Variants in KIF5C observed in about 807,000 individuals in gnomAD.
KIF5C encodes the protein kinesin family member 5C, also known as kinesin heavy chain isoform 5C.
A neutral mutation model predicts 125.2 loss-of-function variants in KIF5C; 18 were observed. The ratio of observed to expected loss-of-function variants is 0.14; its 90% confidence interval spans 0.10 to 0.21. KIF5C has a LOEUF of 0.21. Ranked by LOEUF, KIF5C falls within the 10% of genes least tolerant of loss-of-function variation. The pLI is 1.00. For missense variants in KIF5C, 780 were observed against 1,183.8 expected (o/e 0.66, Z 5.01); for synonymous variants, 405 against 434.0 (o/e 0.93, Z 0.83).
rs1156922836 is a variant in KIF5C at position 148,911,624 on chromosome 2, A to G, written c.127-10513A>G. The stretch of plus-strand genomic sequence containing the variant: ...TAGAGCTGGGGCAGTAGTTTGAGGG[A>G]GGACAAAGAAAAAACTTAAGAGAAT... On this transcript the variant is annotated intron_variant, in intron 1 of 25. Coordinates refer to ENST00000435030, the MANE Select transcript of KIF5C (RefSeq NM_004522.3). Among the ~76,000 whole-genome samples, 5 of 152,134 alleles carry G rather than the reference A, an allele frequency of 3.3e-5. 1 individual carries two copies. Among genetic ancestry groups the G allele is most frequent in the Non-Finnish European group, 7.4e-5 (5 of 68,020 alleles).
At chr2:148,995,896 C>T (rs1681656324) in intron 17 of KIF5C, among the ~76,000 whole-genome samples, 1 of 152,216 alleles carries the variant, frequency 6.6e-6, no homozygotes, top group African/African-American at 2.4e-5. Context: ...GTGGCTCACG[C>T]CTGTAATCCC....
At position 148,998,381 on chromosome 2, in the gene KIF5C, C is replaced by T. The variant is rs1681739492; in HGVS notation, c.2101-19C>T. The T allele has an allele frequency of 1.3e-6, 2 of 1,554,550 alleles. No individual in the cohort carries two copies. The highest frequency in any genetic ancestry group is 2.7e-5 in the African/African-American group (2 of 73,400). On this transcript the variant is annotated intron_variant, in intron 18 of 25. Coordinates refer to ENST00000435030, the MANE Select transcript of KIF5C (RefSeq NM_004522.3). ...GTGCCAACGAGTAGATGACATGTTT[C>T]TCTTGGCCTGGGATGCAGAAGGCGC...
Position 148,876,665 on chromosome 2 carries a change from A to T in KIF5C, c.126+922A>T, listed in dbSNP as rs947432874. Among the ~76,000 whole-genome samples, 3 of 151,262 alleles carry T rather than the reference A, an allele frequency of 2.0e-5. No homozygotes were observed. The highest frequency in any genetic ancestry group is 7.3e-5 in the African/African-American group (3 of 41,094). On this transcript the variant is annotated intron_variant, in intron 1 of 25. Transcript: ENST00000435030. The surrounding 1 kb of genome is among the most constrained non-coding windows in gnomAD (Gnocchi z 4.7). ...CCTCTCTGCAGCTGGGGCTGCTGGT[A>T]GGGGGAGGGAACACCAATGGATTGT...
At chr2:148,964,752 C>G (rs1683010104) in intron 11 of KIF5C, among the ~76,000 whole-genome samples, 1 of 152,122 alleles carries the variant, frequency 6.6e-6, no homozygotes, top group Non-Finnish European at 1.5e-5. Context: ...CATAGGCCAG[C>G]AGGGAGCACT....
At position 148,924,940 on chromosome 2, in the gene KIF5C, T is replaced by TA. The variant is rs1458140457; in HGVS notation, c.217+2714dup. On this transcript the variant is annotated intron_variant, in intron 2 of 25. Coordinates refer to ENST00000435030, the MANE Select transcript of KIF5C (RefSeq NM_004522.3). The surrounding 1 kb of genome is among the most constrained non-coding windows in gnomAD (Gnocchi z 4.0). ...AGTGCTGGGACTGGAGTCGCCATGC[T>TA]ATGTAAGACTGTCTGCAAGGAGCTT... is the stretch of plus-strand genomic sequence containing the variant. 6.6e-6 allele frequency among the ~76,000 whole-genome samples: 1 copy of TA among 152,198 alleles called. No homozygotes were observed. Among genetic ancestry groups the TA allele is most frequent in the Non-Finnish European group, 1.5e-5 (1 of 68,036 alleles).
Position 148,942,747 on chromosome 2 carries a change from C to T in KIF5C, c.576C>T (p.His192=), listed in dbSNP as rs376592911. 6.6e-5 allele frequency: 106 copies of T among 1,609,746 alleles called. No individual in the cohort carries two copies. The African/African-American group carries it at 9.9e-4, about 15-fold the overall frequency. ...TAGATGAAGGCAAAGCAAACCGACA[C>T]GTGGCTGTGACAAGTAAGCATGGTG... ...DVIDEGKANR[H]VAVTNMNEHS... is the part of the protein sequence containing the mutation. The change falls in exon 7 of 26, where the codon CAC becomes CAT. Residue 192 remains histidine (H), a synonymous_variant. Coordinates refer to ENST00000435030, the MANE Select transcript of KIF5C (RefSeq NM_004522.3).
At chr2:148,979,632 C>T (rs756848439) in intron 13 of KIF5C, among the ~76,000 whole-genome samples, 2 of 152,112 alleles carry the variant, frequency 1.3e-5, no homozygotes, top group Non-Finnish European at 2.9e-5. Context: ...TTGTTTGAGT[C>T]CTACTTCAGT....
intron 1 of KIF5C, among the ~76,000 whole-genome samples, chr2:148,912,202 G>A (rs1448016875): frequency 1.3e-5 from 2 of 152,144 alleles, no homozygotes; most frequent in African/African-American, 4.8e-5. Flanking sequence ...GCAGGGGCAG[G>A]GGCTGGCAGA....
chr2:148,981,492 G>C lies in KIF5C; in HGVS notation c.1500G>C (p.Gln500His). 6.2e-7 allele frequency: 1 copy of C among 1,607,496 alleles called. No individual in the cohort carries two copies. The highest frequency in any genetic ancestry group is 8.5e-7 in the Non-Finnish European group (1 of 1,176,958). ...AGGAGCTGGCTGTCAATTATGACCA[G>C]AAATCACAGGAAGTGGAGGATAAGA... ...ALEELAVNYD[Q>H]KSQEVEDKTR... The change falls in exon 14 of 26, where the codon CAG becomes CAC. Residue 500 changes from glutamine (Q) to histidine (H), a missense_variant. This residue lies in a region of KIF5C where 573 missense variants were observed against 742.6 expected (regional missense o/e 0.77). Coordinates refer to ENST00000435030, the MANE Select transcript of KIF5C (RefSeq NM_004522.3).
At position 148,875,431 on chromosome 2, in the gene KIF5C, C is replaced by A; in HGVS notation, c.-187C>A. The stretch of plus-strand genomic sequence containing the variant: ...GGGGCCGGAGCGGAGAAGCTGCCCA[C>A]CTTCCCGGGCTCGGAGCGGCCGGGG... On this transcript the variant is annotated 5_prime_UTR_variant, in exon 1 of 26. Coordinates refer to ENST00000435030, the MANE Select transcript of KIF5C (RefSeq NM_004522.3). The A allele has an allele frequency of 1.8e-6, 1 of 555,534 alleles. No individual in the cohort carries two copies. Among genetic ancestry groups the A allele is most frequent in the South Asian group, 2.2e-5 (1 of 45,552 alleles). 34.4% of individuals were successfully genotyped at this position (555,534 alleles called of 1,614,324 possible).
At chr2:148,984,685 A>G (rs1209906468) in intron 15 of KIF5C, among the ~76,000 whole-genome samples, 1 of 152,158 alleles carries the variant, frequency 6.6e-6, no homozygotes, top group African/African-American at 2.4e-5. Flanking sequence ...ACCACTCCAC[A>G]TTTCTGGGAA....
At chr2:148,962,585 A>G (rs1313042718) in intron 11 of KIF5C, among the ~76,000 whole-genome samples, 1 of 152,130 alleles carries the variant, frequency 6.6e-6, no homozygotes, top group Non-Finnish European at 1.5e-5. Flanking sequence ...CTGTATGAAC[A>G]AGCAGATGTT....
chr2:148,960,145 G>A (rs1369247191), intron 10 of KIF5C, among the ~76,000 whole-genome samples: 1 of 152,204 alleles, frequency 6.6e-6, no homozygotes, highest in African/African-American at 2.4e-5. Flanking sequence ...AAAGTATTTT[G>A]AGAATGAGGA....
intron 1 of KIF5C, among the ~76,000 whole-genome samples, chr2:148,897,784 T>C (rs1680727783): frequency 6.6e-6 from 1 of 151,512 alleles, no homozygotes; most frequent in African/African-American, 2.4e-5. Context: ...CTGGTTGTGG[T>C]AGTGTACACC....
intron 10 of KIF5C, among the ~76,000 whole-genome samples, chr2:148,957,592 T>TG (rs1285261249): frequency 0.011 from 795 of 71,722 alleles, 11 homozygotes; most frequent in African/African-American, 0.031. Flanking sequence ...TTTGTTCTAG[T>TG]AAAAAAAAAA....
intron 23 of KIF5C, among the ~76,000 whole-genome samples, chr2:149,008,994 T>TA (rs1558946423): frequency 7.0e-6 from 1 of 142,488 alleles, no homozygotes. Flanking sequence ...TTTTAATGTT[T>TA]TTTTTTTTTT....
At chr2:148,906,479 C>T (rs190096970) in intron 1 of KIF5C, among the ~76,000 whole-genome samples, 34 of 152,164 alleles carry the variant, frequency 2.2e-4, no homozygotes, top group Non-Finnish European at 1.3e-4. Context: ...TGCCTGTAAT[C>T]GCAGCTAAGG....
chr2:148,930,897 C>T (rs961326991), intron 3 of KIF5C, among the ~76,000 whole-genome samples: 1 of 152,180 alleles, frequency 6.6e-6, no homozygotes, highest in Non-Finnish European at 1.5e-5. Flanking sequence ...ACCCTGCTAT[C>T]CTCACGCTCC....
chr2:148,921,517 T>C (rs1681784243), intron 1 of KIF5C, among the ~76,000 whole-genome samples: 1 of 152,244 alleles, frequency 6.6e-6, no homozygotes, highest in Non-Finnish European at 1.5e-5. Flanking sequence ...CCTGATTTTC[T>C]TGCCCTCCAG....
Sources: gnomAD v4.1 joint callset for allele counts (sites outside exome capture counted in the v4.1 genomes callset) on GRCh38, gnomAD v4.1.1 for gene constraint, gnomAD v4.1.1 regional missense constraint, Gnocchi (gnomAD v3.1) non-coding constraint, MANE v1.5 for transcripts, NCBI Gene and HGNC (gene_info 2026-07-23, HGNC 2026-07-21) for gene names.